Variants in NCAM2 observed in about 807,000 individuals in gnomAD.
The protein encoded by NCAM2 is N-CAM-2.
In NCAM2, 30 loss-of-function variants were observed where a neutral mutation model predicts 98.1. That is an observed-to-expected ratio of 0.31 (90% CI 0.23 to 0.41). NCAM2 has a LOEUF of 0.41. Among genes scored for constraint, NCAM2 ranks in the 10% least tolerant of loss-of-function variants. The pLI is 1.00. For synonymous variants in NCAM2, 368 were observed against 342.4 expected (o/e 1.07, Z -0.83); for missense variants, 867 against 1,005.8 (o/e 0.86, Z 1.87).
intron 12 of NCAM2, among the ~76,000 whole-genome samples, chr21:21,454,041 A>G (rs192703177): frequency 6.6e-6 from 1 of 152,212 alleles, no homozygotes; most frequent in Non-Finnish European, 1.5e-5. Flanking sequence ...TTCTAGTTAC[A>G]TATTGTGGAA....
chr21:21,383,987 T>G (rs930714028), intron 9 of NCAM2, among the ~76,000 whole-genome samples: 2 of 152,184 alleles, frequency 1.3e-5, no homozygotes, highest in Admixed American at 6.5e-5. Context: ...GTTTAATATT[T>G]TCTTCATTAG....
intron 1 of NCAM2, among the ~76,000 whole-genome samples, chr21:21,166,288 A>G (rs1461918116): frequency 2.0e-5 from 3 of 152,024 alleles, no homozygotes; most frequent in Admixed American, 1.3e-4. Flanking sequence ...GCTCACTGCA[A>G]CCTCCGCCTC....
intron 1 of NCAM2, among the ~76,000 whole-genome samples, chr21:21,006,451 C>T (rs1378464526): frequency 6.6e-6 from 1 of 151,958 alleles, no homozygotes; most frequent in African/African-American, 2.4e-5. Context: ...AGAGGCTGCA[C>T]CAAGCAGAGA....
chr21:21,217,866 A>G (rs903012009), intron 1 of NCAM2, among the ~76,000 whole-genome samples: 10 of 152,220 alleles, frequency 6.6e-5, no homozygotes, highest in African/African-American at 2.4e-4. Flanking sequence ...GACCGAAAAC[A>G]GGATGGAGGT....
At chr21:21,152,502 T>C (rs1228566042) in intron 1 of NCAM2, among the ~76,000 whole-genome samples, 1 of 151,982 alleles carries the variant, frequency 6.6e-6, no homozygotes, top group Non-Finnish European at 1.5e-5. Context: ...GGTATTTTCC[T>C]TTAAAGCAGA....
intron 1 of NCAM2, among the ~76,000 whole-genome samples, chr21:21,084,175 A>C (rs959748964): frequency 1.3e-5 from 2 of 152,130 alleles, no homozygotes; most frequent in African/African-American, 2.4e-5. Context: ...CTCTTTTCAA[A>C]AAAGAGTGCT....
chr21:21,177,721 T>A (rs922651150), intron 1 of NCAM2, among the ~76,000 whole-genome samples: 1 of 151,782 alleles, frequency 6.6e-6, no homozygotes, highest in African/African-American at 2.4e-5. Context: ...CCTCTCCTTC[T>A]CTTTTTTCCC....
Position 21,534,649 on chromosome 21 carries a change from G to A in NCAM2, c.2395G>A (p.Glu799Lys). 1 of 1,608,208 alleles carries A rather than the reference G, an allele frequency of 6.2e-7. No homozygotes were observed. Among genetic ancestry groups the A allele is most frequent in the Non-Finnish European group, 8.5e-7 (1 of 1,177,566 alleles). Residue 799 changes from glutamate to lysine, a missense_variant, in exon 17 of 18, where the codon GAA becomes AAA. This residue lies in a region of NCAM2 where 125 missense variants were observed against 116.1 expected (regional missense o/e 1.08). Transcript: ENST00000400546. ...GCCAAATGAAACCACACCACTGACAGAACCTGAGTATGTGGCTTGGAGTGC... is the reference window on the plus strand; with the variant it reads ...GCCAAATGAAACCACACCACTGACAAAACCTGAGTATGTGGCTTGGAGTGC... ...NEPNETTPLT[E>K]PEKLPLKEED... is the part of the protein sequence containing the mutation.
In NCAM2 at chr21:21,185,247, G is replaced by A. The variant is rs527907581; in HGVS notation, c.56-95331G>A. On this transcript the variant is annotated intron_variant, in intron 1 of 17. Transcript: ENST00000400546. ...ATAAGAATGCCTGTCTAAAAATCAC[G>A]TTCATCCATATGTTGTAGATGTCAT... Among the ~76,000 whole-genome samples the A allele has an allele frequency of 2.6e-5, 4 of 152,128 alleles. No homozygotes were observed. The South Asian group carries it at 6.2e-4, about 24-fold the overall frequency.
chr21:21,367,800 G>A (rs1478058766), intron 8 of NCAM2, among the ~76,000 whole-genome samples: 2 of 151,486 alleles, frequency 1.3e-5, no homozygotes, highest in East Asian at 1.9e-4. Context: ...GTACCACTAA[G>A]TAAAGTAGTT....
At chr21:21,394,580 C>A (rs1569014955) in intron 9 of NCAM2, among the ~76,000 whole-genome samples, 1 of 147,496 alleles carries the variant, frequency 6.8e-6, no homozygotes, top group Non-Finnish European at 1.5e-5. Flanking sequence ...GCTCCGCCTC[C>A]CGGGTTCACG....
chr21:21,147,879 C>T (rs1421187782), intron 1 of NCAM2, among the ~76,000 whole-genome samples: 1 of 150,822 alleles, frequency 6.6e-6, no homozygotes, highest in African/African-American at 2.4e-5. Context: ...TTTTCATTCT[C>T]TATATAATAT....
At chr21:21,134,175 T>G (rs1772786030) in intron 1 of NCAM2, among the ~76,000 whole-genome samples, 1 of 151,928 alleles carries the variant, frequency 6.6e-6, no homozygotes, top group Admixed American at 6.6e-5. Context: ...TCCAGGAGAT[T>G]CTCCTGCGTC....
intron 9 of NCAM2, among the ~76,000 whole-genome samples, chr21:21,405,892 C>G (rs2076729645): frequency 6.6e-6 from 1 of 152,084 alleles, no homozygotes; most frequent in Admixed American, 6.6e-5. Context: ...ATTAACTTAC[C>G]TGCCCATTCA....
intron 8 of NCAM2, among the ~76,000 whole-genome samples, chr21:21,359,387 T>C (rs232488): frequency 0.38 from 57,619 of 151,714 alleles, 11,285 homozygotes; most frequent in East Asian, 0.58. Flanking sequence ...TCTTTTTCTG[T>C]ACACAGCTTG....
At chr21:21,060,084 G>A (rs1482642990) in intron 1 of NCAM2, among the ~76,000 whole-genome samples, 2 of 152,126 alleles carry the variant, frequency 1.3e-5, no homozygotes, top group East Asian at 1.9e-4. Flanking sequence ...TGAGGATTGC[G>A]TTTGTACATG....
intron 1 of NCAM2, among the ~76,000 whole-genome samples, chr21:21,212,172 G>T (rs2069681950): frequency 6.6e-6 from 1 of 152,158 alleles, no homozygotes; most frequent in Non-Finnish European, 1.5e-5. Context: ...CCTTCAAGAG[G>T]TGAATGGTTA....
In NCAM2 at chr21:21,445,016, G is replaced by T. The variant is rs115383590; in HGVS notation, c.1654+12735G>T. On this transcript the variant is annotated intron_variant, in intron 12 of 17. Coordinates refer to ENST00000400546, the MANE Select transcript of NCAM2 (RefSeq NM_004540.5). ...AACATTGCTTTAGCTGTGTCCTAGA[G>T]ATTCTGGTACTTCATCTCTTCATTC... Among the ~76,000 whole-genome samples, 624 of 152,272 alleles carry T rather than the reference G, an allele frequency of 4.1e-3. 5 individuals are homozygous for T. The highest frequency in any genetic ancestry group is 0.014 in the African/African-American group (601 of 41,564).
At chr21:21,407,317 C>T (rs2076761496) in intron 9 of NCAM2, among the ~76,000 whole-genome samples, 1 of 152,208 alleles carries the variant, frequency 6.6e-6, no homozygotes, top group African/African-American at 2.4e-5. Flanking sequence ...TCAATATTTT[C>T]TTGCTTGATA....
Sources: allele counts gnomAD v4.1 joint callset (sites outside exome capture counted in the v4.1 genomes callset), GRCh38; gene constraint gnomAD v4.1.1; regional missense constraint gnomAD v4.1.1; transcripts MANE v1.5; gene names NCBI Gene and HGNC (gene_info 2026-07-23, HGNC 2026-07-21).